FAM117A: variants seen among roughly 807,000 people sequenced by gnomAD.
The protein encoded by FAM117A is family with sequence similarity 117 member A, also known as protein FAM117A.
Under a neutral mutation model 44.1 loss-of-function variants are expected in FAM117A, and 21 were observed. The ratio of observed to expected loss-of-function variants is 0.48; its 90% confidence interval spans 0.34 to 0.69. The LOEUF (loss-of-function observed/expected upper bound fraction) is 0.69, where lower values mean the gene tolerates loss of function less well. Ranked by LOEUF, FAM117A falls within the 30% of genes least tolerant of loss-of-function variation. The pLI is 0.01. For synonymous variants in FAM117A, 220 were observed against 238.3 expected, an observed-to-expected ratio of 0.92 and a Z score of 0.71; for missense variants, 498 against 589.9, an observed-to-expected ratio of 0.84 and a Z score of 1.61.
intron 1 of FAM117A, among the ~76,000 whole-genome samples, chr17:49,749,742 G>T (rs2073668723): frequency 6.7e-6 from 1 of 148,324 alleles, no homozygotes; most frequent in African/African-American, 2.4e-5. Flanking sequence ...CCACTGCTGG[G>T]TCAATGTGAG....
intron 6 of FAM117A, 118 bp from the exon 7 acceptor site, chr17:49,716,433 C>G: frequency 1.2e-6 from 1 of 863,490 alleles, no homozygotes; most frequent in African/African-American, 1.7e-5. Context: ...AAGAGGGTAG[C>G]GGGTGTGCTT....
At chr17:49,739,528 T>C (rs979532464) in intron 1 of FAM117A, among the ~76,000 whole-genome samples, 2 of 152,194 alleles carry the variant, frequency 1.3e-5, no homozygotes, top group Non-Finnish European at 2.9e-5. Context: ...CTAGTTGAGA[T>C]AGAGGCTCTT....
At chr17:49,735,131 G>A (rs2073604958) in intron 1 of FAM117A, among the ~76,000 whole-genome samples, 4 of 152,162 alleles carry the variant, frequency 2.6e-5, no homozygotes, top group Admixed American at 2.6e-4. Context: ...TGTAATGCCA[G>A]TGAACATAAG....
intron 1 of FAM117A, among the ~76,000 whole-genome samples, chr17:49,757,198 C>G (rs1339655701): frequency 2.0e-5 from 3 of 151,982 alleles, no homozygotes; most frequent in African/African-American, 4.8e-5. Flanking sequence ...TCCTCCACCC[C>G]CCCAGCAACT....
chr17:49,755,566 C>T (rs1439670873), intron 1 of FAM117A, among the ~76,000 whole-genome samples: 2 of 152,212 alleles, frequency 1.3e-5, no homozygotes, highest in African/African-American at 4.8e-5. Flanking sequence ...ACTGCCCAAG[C>T]TCACCCTCTA....
At chr17:49,750,040 T>G (rs2073670048) in intron 1 of FAM117A, among the ~76,000 whole-genome samples, 1 of 148,870 alleles carries the variant, frequency 6.7e-6, no homozygotes. Flanking sequence ...GAACTCCTAG[T>G]GCAGTCAAAT....
intron 1 of FAM117A, among the ~76,000 whole-genome samples, chr17:49,741,060 T>C (rs2073632302): frequency 6.6e-6 from 1 of 152,026 alleles, no homozygotes; most frequent in South Asian, 2.1e-4. Flanking sequence ...GAGAAAAGCC[T>C]GTGAAATAAA....
At chr17:49,734,541 G>A (rs1598025609) in intron 1 of FAM117A, among the ~76,000 whole-genome samples, 2 of 152,008 alleles carry the variant, frequency 1.3e-5, no homozygotes, top group Admixed American at 6.5e-5. Flanking sequence ...GCAGTGAGCC[G>A]AGATAGCGCC....
In FAM117A at chr17:49,719,951, T is replaced by G. The variant is rs577919615; in HGVS notation, c.574-57A>C. 9.0e-6 allele frequency: 14 copies of G among 1,557,672 alleles called. No individual in the cohort carries two copies. The African/African-American group carries it at 1.8e-4, about 20-fold the overall frequency. ...CAGCCCCACCAGGCCTAGACAGTCT[T>G]TCATTCTGACCAGGGGTAATGGTCA... On this transcript the variant is annotated intron_variant, in intron 4 of 7. Transcript: ENST00000240364.
chr17:49,750,278 A>G (rs1485488914), intron 1 of FAM117A, among the ~76,000 whole-genome samples: 1 of 148,230 alleles, frequency 6.7e-6, no homozygotes, highest in Non-Finnish European at 1.5e-5. Flanking sequence ...TCACATGCAG[A>G]CACACACACA....
intron 5 of FAM117A, chr17:49,719,531 GC>G (rs2073523138): frequency 2.4e-6 from 1 of 424,990 alleles, no homozygotes; most frequent in Non-Finnish European, 4.0e-6. Flanking sequence ...GCCAATCCTT[GC>G]CCCCTGTCTT....
intron 1 of FAM117A, among the ~76,000 whole-genome samples, chr17:49,749,575 C>CAAAAA (rs1167215497): frequency 2.2e-5 from 1 of 45,874 alleles, no homozygotes; most frequent in Non-Finnish European, 5.1e-5. Flanking sequence ...GACTCCGTCT[C>CAAAAA]AAAAAAAAAA....
chr17:49,730,425 C>T (rs999823482), intron 2 of FAM117A, among the ~76,000 whole-genome samples: 3 of 152,244 alleles, frequency 2.0e-5, no homozygotes, highest in Non-Finnish European at 2.9e-5. Flanking sequence ...AGCCAGGGAA[C>T]ATCTGAGGCC....
chr17:49,785,921 G>C (rs951356985), intron 1 of FAM117A, among the ~76,000 whole-genome samples: 1 of 152,210 alleles, frequency 6.6e-6, no homozygotes. Flanking sequence ...GGTGATTGAG[G>C]ATAGCCAGGG....
At chr17:49,726,796 C>T (rs1435982204) in intron 2 of FAM117A, among the ~76,000 whole-genome samples, 2 of 151,382 alleles carry the variant, frequency 1.3e-5, no homozygotes, top group African/African-American at 4.9e-5. Flanking sequence ...GGTCAACTAG[C>T]GAGACCCTAT....
intron 1 of FAM117A, among the ~76,000 whole-genome samples, chr17:49,781,973 C>G (rs2073790849): frequency 6.6e-6 from 1 of 151,158 alleles, no homozygotes; most frequent in African/African-American, 2.4e-5. Context: ...AAGATCCTGT[C>G]TCAAAAAAAT....
intron 1 of FAM117A, among the ~76,000 whole-genome samples, chr17:49,759,166 G>A (rs559533387): frequency 6.6e-6 from 1 of 152,254 alleles, no homozygotes; most frequent in African/African-American, 2.4e-5. Flanking sequence ...ACCTCAAATG[G>A]TTTAAGATCT....
intron 1 of FAM117A, among the ~76,000 whole-genome samples, chr17:49,780,786 G>C (rs776331459): frequency 6.6e-6 from 1 of 152,182 alleles, no homozygotes; most frequent in Non-Finnish European, 1.5e-5. Flanking sequence ...ATGCCAGGGG[G>C]AAAGGGTGAG....
chr17:49,753,274 C>T (rs1308354290), intron 1 of FAM117A, among the ~76,000 whole-genome samples: 1 of 152,212 alleles, frequency 6.6e-6, no homozygotes, highest in Non-Finnish European at 1.5e-5. Flanking sequence ...CAGTGGATGC[C>T]AGCCTGAGAC....
Sources: gnomAD v4.1 joint callset for allele counts (sites outside exome capture counted in the v4.1 genomes callset) on GRCh38, gnomAD v4.1.1 for gene constraint, MANE v1.5 for transcripts, NCBI Gene and HGNC (gene_info 2026-07-23, HGNC 2026-07-21) for gene names.